The following DNAH11 variants were observed in gnomAD, a reference collection of about 807,000 sequenced individuals.
DNAH11 encodes axonemal beta dynein heavy chain 11.
A neutral mutation model predicts 526.0 loss-of-function variants in DNAH11; 442 were observed. The ratio of observed to expected loss-of-function variants is 0.84; its 90% CI spans 0.78 to 0.91. DNAH11 has a LOEUF of 0.91. Among genes scored for constraint, DNAH11 ranks in the 40% least tolerant of loss-of-function variants. The pLI is 0.00. For synonymous variants in DNAH11, 2,461 were observed against 1,935.9 expected, an observed-to-expected ratio of 1.27 and a Z score of -7.12; for missense variants, 6,989 against 5,448.7, an observed-to-expected ratio of 1.28 and a Z score of -8.90.
chr7:21,563,488 A>G (rs2128433042), intron 5 of DNAH11, among the ~76,000 whole-genome samples: 1 of 152,260 alleles, frequency 6.6e-6, no homozygotes, highest in South Asian at 2.1e-4. Context: ...GAACCACTGC[A>G]CCTGGCCCGC....
intron 28 of DNAH11, among the ~76,000 whole-genome samples, 168 bp from the exon 29 acceptor site, chr7:21,655,664 T>C (rs535187100): frequency 1.9e-4 from 29 of 152,278 alleles, no homozygotes; most frequent in African/African-American, 7.0e-4. Flanking sequence ...ACCACCAAGA[T>C]CCTTTCAAGC....
intron 72 of DNAH11, 95 bp from the exon 73 acceptor site, chr7:21,868,769 C>T (rs550440772): frequency 8.5e-5 from 125 of 1,466,490 alleles, no homozygotes; most frequent in African/African-American, 3.4e-4. Context: ...AAGATGGCTG[C>T]GGTGACCACA....
intron 71 of DNAH11, 114 bp from the exon 72 acceptor site, chr7:21,867,745 G>T (rs1448697505): frequency 1.1e-5 from 10 of 900,966 alleles, no homozygotes; most frequent in Non-Finnish European, 1.7e-5. Context: ...GACATCCCAT[G>T]TAATAAACCT....
intron 59 of DNAH11, among the ~76,000 whole-genome samples, chr7:21,787,074 A>G (rs1399618066): frequency 1.3e-5 from 2 of 152,176 alleles, no homozygotes; most frequent in Non-Finnish European, 2.9e-5. Flanking sequence ...GGCTGGAAAA[A>G]TGTTGCTAAT....
At chr7:21,639,156 C>T (rs1787009395) in intron 28 of DNAH11, 91 bp downstream of exon 28, 6 of 1,418,220 alleles carry the variant, frequency 4.2e-6, no homozygotes, top group Middle Eastern at 1.9e-4. Flanking sequence ...CCTGTCATGT[C>T]ACGTGGGCCA....
At chr7:21,695,183 G>C (rs935154318) in intron 35 of DNAH11, among the ~76,000 whole-genome samples, 3 of 152,236 alleles carry the variant, frequency 2.0e-5, no homozygotes, top group African/African-American at 7.2e-5. Flanking sequence ...GTAATTCAAA[G>C]ATTCAATGCT....
At chr7:21,594,391 T>C (rs1209223140) in intron 14 of DNAH11, among the ~76,000 whole-genome samples, 2 of 152,166 alleles carry the variant, frequency 1.3e-5, no homozygotes, top group Non-Finnish European at 2.9e-5. Context: ...TTTTGAAATA[T>C]GAGAGCAGAG....
intron 18 of DNAH11, 99 bp from the exon 19 acceptor site, chr7:21,606,327 G>GA (rs373160486): frequency 0.12 from 89,484 of 724,986 alleles, 12 homozygotes; most frequent in South Asian, 0.17. Context: ...TGTCTCAAGA[G>GA]AAAAAAAAAA....
At chr7:21,689,269 C>G (rs1392802725) in intron 34 of DNAH11, among the ~76,000 whole-genome samples, 3 of 152,200 alleles carry the variant, frequency 2.0e-5, no homozygotes, top group Admixed American at 1.3e-4. Flanking sequence ...TGAGGCCATC[C>G]TTTCTTATGG....
chr7:21,633,999 A>G (rs906791296), intron 25 of DNAH11, among the ~76,000 whole-genome samples: 2 of 152,244 alleles, frequency 1.3e-5, no homozygotes, highest in African/African-American at 4.8e-5. Flanking sequence ...TGAGCACATG[A>G]TACATGGTCT....
Position 21,900,031 on chromosome 7 carries a change from G to C in DNAH11, c.13214G>C (p.Arg4405Pro), listed in dbSNP as rs374415657. 5.0e-6 allele frequency: 8 copies of C among 1,613,908 alleles called. No individual in the cohort carries two copies. The highest frequency in any genetic ancestry group is 5.9e-6 in the Non-Finnish European group (7 of 1,179,864). ...AATGAGTGGCCCCTGGATAAAACGC[G>C]CTTGACTGCTGATGTTACCAAAAAA... Reference protein sequence around the residue: ...RKNEWPLDKTRLTADVTKKTK... With the variant: ...RKNEWPLDKTPLTADVTKKTK... Residue 4405 changes from arginine (R) to proline (P), a missense_variant, in exon 81 of 82, where the codon CGC becomes CCC. Coordinates refer to ENST00000409508, the MANE Select transcript of DNAH11 (RefSeq NM_001277115.2).
At position 21,873,490 on chromosome 7, in the gene DNAH11, A is replaced by G; in HGVS notation, c.12184A>G (p.Asn4062Asp). 2 of 1,613,950 alleles carry G rather than the reference A, an allele frequency of 1.2e-6. No individual in the cohort carries two copies. The highest frequency in any genetic ancestry group is 1.7e-6 in the Non-Finnish European group (2 of 1,179,870). Residue 4062 changes from asparagine to aspartate, a missense_variant, in exon 74 of 82, where the codon AAC becomes GAC. Asn to Asp is a conservative substitution (Grantham distance 23). Transcript: ENST00000409508. ...MLANLHAALY[N>D]FDQDTLEICS... ...GGCCAATTTGCATGCCGCCCTGTAC[A>G]ACTTTGATCAGGTAAGAAAGCGAAG...
At chr7:21,894,455 C>T (rs1348140299) in intron 77 of DNAH11, among the ~76,000 whole-genome samples, 168 bp from the exon 78 acceptor site, 1 of 152,196 alleles carries the variant, frequency 6.6e-6, no homozygotes, top group Non-Finnish European at 1.5e-5. Context: ...GTTGGCACTG[C>T]CATGCTGCCC....
chr7:21,567,053 G>C (rs1038308496), intron 6 of DNAH11, among the ~76,000 whole-genome samples: 4 of 152,120 alleles, frequency 2.6e-5, no homozygotes, highest in African/African-American at 4.8e-5. Flanking sequence ...GTTGGTCAAA[G>C]GGTACAATCT....
At chr7:21,866,923 C>A (rs943986424) in intron 71 of DNAH11, among the ~76,000 whole-genome samples, 4 of 152,150 alleles carry the variant, frequency 2.6e-5, no homozygotes, top group Admixed American at 2.6e-4. Flanking sequence ...TGGAAATATT[C>A]CTGGAAGAGA....
rs963126983 is a variant in DNAH11, at chr7:21,597,771, C to T, written c.2668-2016C>T. On this transcript the variant is annotated intron_variant, in intron 14 of 81. Coordinates refer to ENST00000409508, the MANE Select transcript of DNAH11 (RefSeq NM_001277115.2). ...TTTGGGTGAGGACACAGAGTCAAAC[C>T]GTATTAATATCTTTAAGATGAGGAG... is the stretch of plus-strand genomic sequence containing the variant. 3.9e-5 allele frequency among the ~76,000 whole-genome samples: 6 copies of T among 152,080 alleles called. No homozygotes were observed. The East Asian group carries it at 5.8e-4, about 15-fold the overall frequency.
intron 48 of DNAH11, among the ~76,000 whole-genome samples, chr7:21,741,068 A>G (rs1785864023): frequency 6.6e-6 from 1 of 152,046 alleles, no homozygotes; most frequent in Admixed American, 6.6e-5. Context: ...AAATTGGGTT[A>G]TTTTGTTGTC....
Position 21,635,899 on chromosome 7 carries a change from A to G in DNAH11, c.4529A>G (p.Lys1510Arg). 6.2e-7 allele frequency: 1 copy of G among 1,612,408 alleles called. No individual in the cohort carries two copies. ...CAGTTGCAGACTCTTCTTCAAAGCA[A>G]GTATGTAGAATATTTCATTGAGCAA... ...QVQLQTLLQS[K>R]YVEYFIEQVL... The change falls in exon 26 of 82, where the codon AAG becomes AGG. Residue 1510 changes from lysine to arginine, a missense_variant. By Grantham distance (26) the Lys-to-Arg change is conservative (BLOSUM62 2). Transcript: ENST00000409508.
chr7:21,657,549 A>C (rs1782068595), intron 29 of DNAH11, among the ~76,000 whole-genome samples: 1 of 152,168 alleles, frequency 6.6e-6, no homozygotes, highest in Non-Finnish European at 1.5e-5. Context: ...TGGACTGCAA[A>C]GTTCTTGAGA....
Sources: allele counts gnomAD v4.1 joint callset (sites outside exome capture counted in the v4.1 genomes callset), GRCh38; gene constraint gnomAD v4.1.1; transcripts MANE v1.5; gene names NCBI Gene and HGNC (gene_info 2026-07-23, HGNC 2026-07-21).